The following SUSD3 variants were observed in gnomAD, a reference collection of about 807,000 sequenced individuals.
The protein encoded by SUSD3 is sushi domain containing 3.
SUSD3 carries 18 observed loss-of-function variants against 20.6 expected under a neutral mutation model. The ratio of observed to expected loss-of-function variants is 0.87; its 90% CI spans 0.60 to 1.30. SUSD3 has a LOEUF of 1.30. Among genes scored for constraint, SUSD3 ranks in the 50% most tolerant of loss-of-function variants. SUSD3 has a pLI of 0.00. For synonymous variants in SUSD3, 137 were observed against 141.5 expected (o/e 0.97, Z 0.23); for missense variants, 306 against 346.9 (o/e 0.88, Z 0.94).
Position 93,078,718 on chromosome 9 carries a change from T to C in SUSD3, c.425+725T>C, listed in dbSNP as rs181193395. 8.7e-4 allele frequency among the ~76,000 whole-genome samples: 133 copies of C among 152,336 alleles called. 2 individuals carry two copies. The highest frequency in any genetic ancestry group is 2.3e-3 in the African/African-American group (96 of 41,572). ...ACAGCCCACCAGCGAAGTCCGGCTG[T>C]CTGTCAGGTTTTTTCCCCATGGTAA... On this transcript the variant is annotated intron_variant, in intron 3 of 4. Coordinates refer to ENST00000375472, the MANE Select transcript of SUSD3 (RefSeq NM_145006.4).
intron 1 of SUSD3, 29 bp downstream of exon 1, chr9:93,058,859 C>A: frequency 8.2e-7 from 1 of 1,214,704 alleles, no homozygotes; most frequent in Non-Finnish European, 1.0e-6. Context: ...TGGCCGCGTG[C>A]GGGGCTCTGC....
intron 2 of SUSD3, 131 bp from the exon 3 acceptor site, chr9:93,077,715 G>A: frequency 1.2e-6 from 1 of 867,930 alleles, no homozygotes; most frequent in African/African-American, 1.7e-5. Flanking sequence ...ATGCAAACAG[G>A]GCTCACTGAG....
In SUSD3 at chr9:93,058,791, C is replaced by G; in HGVS notation, c.49C>G (p.Arg17Gly). ...TLRGKARPRG[R>G]AGVTTPAPGN... ...CCGTGGCAAGGCGAGGCCCCGGGGG[C>G]GGGCCGGGGTCACCACGCCTGCCCC... The change falls in exon 1 of 5, where the codon CGG (arginine) becomes GGG (glycine). Residue 17 changes from arginine (R) to glycine (G), a missense_variant. Arg to Gly is a moderately radical substitution (Grantham distance 125). Coordinates refer to ENST00000375472, the MANE Select transcript of SUSD3 (RefSeq NM_145006.4). 1 of 1,241,996 alleles carries G rather than the reference C, an allele frequency of 8.1e-7. No homozygotes were observed. Among genetic ancestry groups the G allele is most frequent in the Non-Finnish European group, 1.0e-6 (1 of 992,924 alleles). The allele number at this position is 1,241,996 out of a possible 1,614,324, so 76.9% of individuals were successfully genotyped here. A position where few individuals can be genotyped will look rare whatever the true frequency, so the allele number is the denominator to read the frequency against.
chr9:93,081,958 G>A (rs1195612469), intron 4 of SUSD3, among the ~76,000 whole-genome samples: 2 of 152,170 alleles, frequency 1.3e-5, no homozygotes, highest in East Asian at 3.8e-4. Flanking sequence ...CCTAGGAATC[G>A]ATTGTTTAGG....
At chr9:93,070,902 T>G (rs1309423313) in intron 1 of SUSD3, among the ~76,000 whole-genome samples, 2 of 152,178 alleles carry the variant, frequency 1.3e-5, no homozygotes, top group Non-Finnish European at 2.9e-5. Context: ...GTTGCTGATA[T>G]TCCTACTTTT....
chr9:93,082,191 A>G (rs1826440129), intron 4 of SUSD3, among the ~76,000 whole-genome samples: 2 of 151,854 alleles, frequency 1.3e-5, no homozygotes, highest in Non-Finnish European at 2.9e-5. Flanking sequence ...CACCAGTGCC[A>G]TTGCTGGCAT....
At chr9:93,083,725 T>C (rs964256542) in intron 4 of SUSD3, among the ~76,000 whole-genome samples, 3 of 152,226 alleles carry the variant, frequency 2.0e-5, no homozygotes, top group Non-Finnish European at 4.4e-5. Flanking sequence ...TTATTGATGC[T>C]TTCACTTACT....
intron 1 of SUSD3, among the ~76,000 whole-genome samples, chr9:93,061,942 C>A (rs963540892): frequency 2.6e-5 from 4 of 152,214 alleles, no homozygotes; most frequent in African/African-American, 7.2e-5. Context: ...TTACTTAATC[C>A]CACAGCAGGC....
At chr9:93,075,364 CT>C (rs1826085658) in intron 1 of SUSD3, among the ~76,000 whole-genome samples, 1 of 146,146 alleles carries the variant, frequency 6.8e-6, no homozygotes, top group Non-Finnish European at 1.5e-5. Flanking sequence ...GAAGCTTTTG[CT>C]TTCTGCTTTG....
At chr9:93,061,979 C>A (rs573381718) in intron 1 of SUSD3, among the ~76,000 whole-genome samples, 1 of 152,206 alleles carries the variant, frequency 6.6e-6, no homozygotes, top group South Asian at 2.1e-4. Flanking sequence ...GGCTGTGTGG[C>A]GAATCCCAGG....
At chr9:93,074,386 C>T (rs1826036229) in intron 1 of SUSD3, among the ~76,000 whole-genome samples, 1 of 143,008 alleles carries the variant, frequency 7.0e-6, no homozygotes, top group African/African-American at 2.7e-5. Flanking sequence ...GCTGAGATCA[C>T]GCCATTGCAC....
At chr9:93,062,929 T>C (rs1238828022) in intron 1 of SUSD3, among the ~76,000 whole-genome samples, 1 of 152,122 alleles carries the variant, frequency 6.6e-6, no homozygotes, top group Non-Finnish European at 1.5e-5. Context: ...CTGTGAATCC[T>C]ACGGAATCCT....
intron 4 of SUSD3, 42 bp downstream of exon 4, chr9:93,079,644 G>A: frequency 1.2e-6 from 2 of 1,604,582 alleles, no homozygotes; most frequent in Non-Finnish European, 1.7e-6. Flanking sequence ...GGGGACAAGG[G>A]GTCCAGCTTG....
At chr9:93,075,740 A>ACCCCCCCCCCCCCCCCCCCCCCCCC in intron 1 of SUSD3, 44 bp from the exon 2 acceptor site, 1 of 146,806 alleles carries the variant, frequency 6.8e-6, no homozygotes. Flanking sequence ...CTGCGTGCCC[A>ACCCCCCCCCCCCCCCCCCCCCCCCC]CCCCCCCCCC....
intron 4 of SUSD3, among the ~76,000 whole-genome samples, chr9:93,082,157 A>G (rs1339555771): frequency 6.6e-6 from 1 of 152,202 alleles, no homozygotes; most frequent in African/African-American, 2.4e-5. Context: ...ATGTCGAGGA[A>G]GAATGTTTTC....
At chr9:93,069,004 G>A in intron 1 of SUSD3, 1 of 612,122 alleles carries the variant, frequency 1.6e-6, no homozygotes, top group Non-Finnish European at 3.0e-6. Flanking sequence ...TAATGTGAAT[G>A]TGGTCTCTCT....
At chr9:93,076,397 A>T (rs1218356256) in intron 2 of SUSD3, among the ~76,000 whole-genome samples, 13 of 152,166 alleles carry the variant, frequency 8.5e-5, no homozygotes, top group Non-Finnish European at 1.5e-5. Flanking sequence ...AGGAATCTTA[A>T]GTACTGGCAA....
At chr9:93,061,166 A>AC (rs1213080245) in intron 1 of SUSD3, among the ~76,000 whole-genome samples, 2 of 151,948 alleles carry the variant, frequency 1.3e-5, no homozygotes, top group Non-Finnish European at 2.9e-5. Flanking sequence ...GCTGTAGGTA[A>AC]CCCCCCTGGC....
In SUSD3 at chr9:93,082,305, CTTTCCTTT is replaced by C. The variant is rs1307953458; in HGVS notation, c.558-2228_558-2221del. Among the ~76,000 whole-genome samples, 102 of 137,612 alleles carry C rather than the reference CTTTCCTTT, an allele frequency of 7.4e-4. 4 individuals carry two copies. Among genetic ancestry groups the C allele is most frequent in the African/African-American group, 2.4e-3 (88 of 35,994 alleles). 90.3% of individuals were successfully genotyped at this position (137,612 alleles called of 152,430 possible). On this transcript the variant is annotated intron_variant, in intron 4 of 4. Coordinates refer to ENST00000375472, the MANE Select transcript of SUSD3 (RefSeq NM_145006.4). Reference sequence around the variant, plus strand: ...AATTGGCTGTACATTTTTTAGGCCTCTTTCCTTTTTTTTTTTTTTTTTTTTTTTTTGAG... The same window carrying C: ...AATTGGCTGTACATTTTTTAGGCCTCTTTTTTTTTTTTTTTTTTTTTTGAG...
Sources: gnomAD v4.1 joint callset for allele counts (sites outside exome capture counted in the v4.1 genomes callset) on GRCh38, gnomAD v4.1.1 for gene constraint, MANE v1.5 for transcripts, NCBI Gene and HGNC (gene_info 2026-07-23, HGNC 2026-07-21) for gene names.